ARL15: variants seen among roughly 807,000 people sequenced by gnomAD.
ARL15 encodes ARF like GTPase 15, also known as ADP-ribosylation factor-like protein 15.
A neutral mutation model predicts 25.2 loss-of-function variants in ARL15; 19 were observed. The observed-to-expected ratio is 0.75, with a 90% CI of 0.53 to 1.10. ARL15 has a LOEUF of 1.10. Ranked by LOEUF, ARL15 falls within the 50% of genes least tolerant of loss-of-function variation. The pLI is 0.00. For synonymous variants in ARL15, 94 were observed against 86.8 expected, an observed-to-expected ratio of 1.08 and a Z score of -0.46; for missense variants, 220 against 246.0, an observed-to-expected ratio of 0.89 and a Z score of 0.71.
chr5:54,011,880 G>GC, intron 4 of ARL15, among the ~76,000 whole-genome samples: 1 of 152,126 alleles, frequency 6.6e-6, no homozygotes, highest in East Asian at 1.9e-4. Context: ...GTGGTGGCAC[G>GC]CACCTGTAGT....
chr5:53,914,712 A>G (rs1392282089), intron 4 of ARL15, among the ~76,000 whole-genome samples: 1 of 152,248 alleles, frequency 6.6e-6, no homozygotes, highest in Non-Finnish European at 1.5e-5. Flanking sequence ...TGTTCACTGA[A>G]TGGAACTGAA....
chr5:54,129,272 T>G (rs1010911644), intron 3 of ARL15, among the ~76,000 whole-genome samples: 1 of 152,144 alleles, frequency 6.6e-6, no homozygotes, highest in African/African-American at 2.4e-5. Flanking sequence ...TGTCTCCAAA[T>G]TAATAACCTA....
At chr5:54,234,245 C>T (rs1756744271) in intron 1 of ARL15, among the ~76,000 whole-genome samples, 1 of 152,058 alleles carries the variant, frequency 6.6e-6, no homozygotes, top group Admixed American at 6.6e-5. Flanking sequence ...CCCGTTTCAG[C>T]CTCCCAAAGT....
chr5:53,950,409 T>C (rs1746906879), intron 4 of ARL15, among the ~76,000 whole-genome samples: 1 of 152,194 alleles, frequency 6.6e-6, no homozygotes, highest in Admixed American at 6.5e-5. Context: ...TGAATTTCTG[T>C]TAACAGTAGG....
intron 4 of ARL15, among the ~76,000 whole-genome samples, chr5:53,953,445 T>G (rs1747044313): frequency 6.6e-6 from 1 of 152,220 alleles, no homozygotes; most frequent in Non-Finnish European, 1.5e-5. Flanking sequence ...TAGATTGAGT[T>G]GTTTGTATAT....
intron 1 of ARL15, among the ~76,000 whole-genome samples, chr5:54,248,533 C>T (rs1004838627): frequency 1.3e-5 from 2 of 152,218 alleles, no homozygotes; most frequent in Admixed American, 6.5e-5. Context: ...ATAAATTTCT[C>T]TGACTCCCAT....
chr5:53,955,266 C>T (rs1291945359), intron 4 of ARL15, among the ~76,000 whole-genome samples: 5 of 152,088 alleles, frequency 3.3e-5, no homozygotes, highest in South Asian at 2.1e-4. Context: ...ATAAAATTTT[C>T]GATCTAATCA....
intron 4 of ARL15, among the ~76,000 whole-genome samples, chr5:53,916,305 A>G (rs529540367): frequency 2.0e-5 from 3 of 151,148 alleles, no homozygotes; most frequent in African/African-American, 7.3e-5. Context: ...AAAAAAAAAA[A>G]AGAGAAATAG....
rs540948866 is a variant in ARL15 at position 54,275,810 on chromosome 5, G to A, written c.48+34622C>T. ...CGCTATTCTCCTGCCTCAGCCTCCC[G>A]AGTAGCTGGGACTACAGGCACCCGC... is the stretch of plus-strand genomic sequence containing the variant. On this transcript the variant is annotated intron_variant, in intron 1 of 4. Coordinates refer to ENST00000504924, the MANE Select transcript of ARL15 (RefSeq NM_019087.3). Among the ~76,000 whole-genome samples the A allele has an allele frequency of 3.3e-3, 499 of 150,658 alleles. 5 individuals carry two copies. Among genetic ancestry groups the A allele is most frequent in the African/African-American group, 0.012 (483 of 41,072 alleles).
chr5:54,200,531 A>C (rs6866841), intron 1 of ARL15, among the ~76,000 whole-genome samples: 11,642 of 149,486 alleles, frequency 0.078, 541 homozygotes, highest in Middle Eastern at 0.15. Context: ...AGAAACAACA[A>C]GTGTTTACAA....
At chr5:54,235,455 T>C (rs1311701567) in intron 1 of ARL15, among the ~76,000 whole-genome samples, 2 of 152,094 alleles carry the variant, frequency 1.3e-5, no homozygotes, top group African/African-American at 4.8e-5. Flanking sequence ...CGTGTACCCA[T>C]GTTTATGAGC....
chr5:54,158,650 G>A (rs1186265104), intron 2 of ARL15, among the ~76,000 whole-genome samples: 1 of 152,124 alleles, frequency 6.6e-6, no homozygotes, highest in Non-Finnish European at 1.5e-5. Context: ...CGAGGCGGGT[G>A]GATCACGAGG....
intron 4 of ARL15, among the ~76,000 whole-genome samples, chr5:54,023,657 T>G (rs1331056584): frequency 1.3e-5 from 2 of 152,146 alleles, no homozygotes; most frequent in East Asian, 3.9e-4. Context: ...TCTCTGACCT[T>G]CCTCCTCCCT....
chr5:54,233,657 T>C (rs1490977006), intron 1 of ARL15, among the ~76,000 whole-genome samples: 1 of 152,262 alleles, frequency 6.6e-6, no homozygotes, highest in Non-Finnish European at 1.5e-5. Context: ...AGTTCACTGA[T>C]ATGGTTTCAG....
intron 4 of ARL15, among the ~76,000 whole-genome samples, chr5:53,933,164 C>T (rs1464368153): frequency 6.6e-6 from 1 of 152,192 alleles, no homozygotes; most frequent in Non-Finnish European, 1.5e-5. Context: ...CCCTACCCAA[C>T]TGTGCTTCAT....
rs575046239 is a variant in ARL15 at position 54,165,831 on chromosome 5, G to A, written c.193+5953C>T. Among the ~76,000 whole-genome samples the A allele has an allele frequency of 7.9e-5, 12 of 151,894 alleles. No homozygotes were observed. In the South Asian group the frequency reaches 2.3e-3, roughly 29 times the overall value. On this transcript the variant is annotated intron_variant, in intron 2 of 4. Transcript: ENST00000504924. ...TATAAACCCAAAATCTACAGTTTGGGCTGGCAGGCTGGAGACCCAGGAAAG... is the reference window on the plus strand; with the variant it reads ...TATAAACCCAAAATCTACAGTTTGGACTGGCAGGCTGGAGACCCAGGAAAG...
intron 4 of ARL15, among the ~76,000 whole-genome samples, chr5:54,077,028 C>A (rs1751631509): frequency 6.6e-6 from 1 of 152,100 alleles, no homozygotes; most frequent in Non-Finnish European, 1.5e-5. Context: ...TTTCAAGTAA[C>A]CCCAAAGATG....
intron 1 of ARL15, among the ~76,000 whole-genome samples, chr5:54,210,077 C>CT (rs970545328): frequency 6.6e-6 from 1 of 152,018 alleles, no homozygotes; most frequent in Non-Finnish European, 1.5e-5. Flanking sequence ...ACAATGCCAA[C>CT]TTTTTTTTCC....
At chr5:54,149,147 A>G (rs1753994152) in intron 3 of ARL15, among the ~76,000 whole-genome samples, 1 of 152,246 alleles carries the variant, frequency 6.6e-6, no homozygotes, top group Non-Finnish European at 1.5e-5. Context: ...GTTAAAGTAC[A>G]TAAGGCAAAT....
Sources: gnomAD v4.1 joint callset for allele counts (sites outside exome capture counted in the v4.1 genomes callset) on GRCh38, gnomAD v4.1.1 for gene constraint, MANE v1.5 for transcripts, NCBI Gene and HGNC (gene_info 2026-07-23, HGNC 2026-07-21) for gene names.